The following NTRK2 variants were observed in gnomAD, a reference collection of about 807,000 sequenced individuals.
The protein encoded by NTRK2 is neurotrophic receptor tyrosine kinase 2.
A neutral mutation model predicts 94.5 loss-of-function variants in NTRK2; 13 were observed. The ratio of observed to expected loss-of-function variants is 0.14; its 90% CI spans 0.09 to 0.22. The LOEUF (loss-of-function observed/expected upper bound fraction) is 0.22. Ranked by LOEUF, NTRK2 falls within the 10% of genes least tolerant of loss-of-function variation. NTRK2 has a pLI of 1.00. For missense variants in NTRK2, 639 were observed against 1,071.2 expected, an observed-to-expected ratio of 0.60 and a Z score of 5.63; for synonymous variants, 372 against 407.4, an observed-to-expected ratio of 0.91 and a Z score of 1.05.
At chr9:84,923,343 C>T (rs1156759177) in intron 14 of NTRK2, among the ~76,000 whole-genome samples, 5 of 152,130 alleles carry the variant, frequency 3.3e-5, no homozygotes, top group Non-Finnish European at 7.3e-5. Context: ...TCACTGTTAT[C>T]GCTGTTTACC....
intron 2 of NTRK2, among the ~76,000 whole-genome samples, chr9:84,688,607 T>C (rs928620983): frequency 5.3e-5 from 8 of 152,202 alleles, no homozygotes; most frequent in Non-Finnish European, 1.2e-4. Context: ...AGCTACCAGC[T>C]TCCTCCTTTC....
chr9:84,972,711 A>G (rs1387200619), intron 17 of NTRK2, among the ~76,000 whole-genome samples: 1 of 152,156 alleles, frequency 6.6e-6, no homozygotes, highest in African/African-American at 2.4e-5. Context: ...ATGCATTTTT[A>G]TTTTCATTAG....
chr9:84,741,967 A>G, intron 10 of NTRK2, 40 bp downstream of exon 10: 1 of 1,520,988 alleles, frequency 6.6e-7, no homozygotes, highest in Non-Finnish European at 9.1e-7. Context: ...CTTTTTCAAA[A>G]TGTTTGTGTA....
upstream of NTRK2, chr9:84,668,746 C>A (rs2058514367): frequency 1.3e-5 from 2 of 152,264 alleles, no homozygotes; most frequent in Non-Finnish European, 2.9e-5. Context: ...GCGCAGGGCA[C>A]GCGTTCGCGC....
At chr9:84,932,154 A>G (rs1475696419) in intron 14 of NTRK2, among the ~76,000 whole-genome samples, 2 of 152,230 alleles carry the variant, frequency 1.3e-5, no homozygotes, top group Admixed American at 6.5e-5. Flanking sequence ...GTGTCCAAAA[A>G]GAAACCAAGC....
intron 10 of NTRK2, among the ~76,000 whole-genome samples, chr9:84,744,132 T>A (rs377418910): frequency 1.3e-5 from 2 of 152,110 alleles, no homozygotes; most frequent in East Asian, 3.9e-4. Flanking sequence ...TGCAATAAGT[T>A]TACCAAGAGT....
At position 84,707,882 on chromosome 9, in the gene NTRK2, A is replaced by C; in HGVS notation, c.398A>C (p.Lys133Thr). The change falls in exon 5 of 19, where the codon AAA becomes ACA. Residue 133 changes from lysine (K) to threonine (T), a missense_variant. Around this residue, in one of 5 missense-constraint regions of NTRK2, gnomAD observed 206 missense variants for 251.5 expected, o/e 0.82. Transcript: ENST00000277120. ...TRNKLTSLSR[K>T]HFRHLDLSEL... ...AACAAACTGACGAGTTTGTCTAGGA[A>C]ACATTTCCGTCACCTTGACTTGTCT... is the stretch of plus-strand genomic sequence containing the variant. The C allele has an allele frequency of 6.2e-7, 1 of 1,613,106 alleles. No homozygotes were observed.
chr9:84,704,094 A>G (rs2060893620), intron 4 of NTRK2, among the ~76,000 whole-genome samples: 1 of 152,116 alleles, frequency 6.6e-6, no homozygotes, highest in Non-Finnish European at 1.5e-5. Context: ...CTGGCTAATT[A>G]TAGTTTTATT....
intron 14 of NTRK2, among the ~76,000 whole-genome samples, chr9:84,894,508 A>T (rs1209971999): frequency 6.6e-6 from 1 of 152,136 alleles, no homozygotes; most frequent in Non-Finnish European, 1.5e-5. Context: ...TAACAGGAAG[A>T]TTCCCCCACC....
At chr9:84,837,002 A>G (rs936323065) in intron 12 of NTRK2, among the ~76,000 whole-genome samples, 63 of 148,100 alleles carry the variant, frequency 4.3e-4, no homozygotes, top group African/African-American at 1.5e-3. Context: ...GGAATATACT[A>G]TAACAGAAAT....
chr9:84,692,787 G>T (rs181306634), intron 2 of NTRK2, among the ~76,000 whole-genome samples: 10 of 152,212 alleles, frequency 6.6e-5, no homozygotes, highest in Admixed American at 4.6e-4. Flanking sequence ...GTTTCTGTGT[G>T]CTAGTCTCCT....
intron 13 of NTRK2, among the ~76,000 whole-genome samples, chr9:84,865,568 A>C (rs79355269): frequency 0.11 from 17,434 of 152,206 alleles, 1,257 homozygotes; most frequent in East Asian, 0.22. Flanking sequence ...TGTGCTTCTC[A>C]CTAAAATAGT....
chr9:84,822,278 T>C (rs2072901227), intron 12 of NTRK2, among the ~76,000 whole-genome samples: 1 of 152,182 alleles, frequency 6.6e-6, no homozygotes, highest in Non-Finnish European at 1.5e-5. Context: ...AGCCTTCTTC[T>C]TTTTCTTTTT....
intron 17 of NTRK2, among the ~76,000 whole-genome samples, chr9:85,004,035 G>GGAA (rs1830635650): frequency 1.4e-5 from 1 of 69,378 alleles, no homozygotes; most frequent in Non-Finnish European, 2.8e-5. Flanking sequence ...GAAAGAAAGA[G>GGAA]AGAAAGAAAG....
At chr9:84,970,270 G>T (rs138794876) in intron 17 of NTRK2, among the ~76,000 whole-genome samples, 2,753 of 152,084 alleles carry the variant, frequency 0.018, 43 homozygotes, top group Non-Finnish European at 0.029. Context: ...GGTGGTGGGC[G>T]CCTGTAATCC....
chr9:84,873,407 A>G (rs536499936), intron 14 of NTRK2: 1 of 1,059,152 alleles, frequency 9.4e-7, no homozygotes, highest in African/African-American at 1.6e-5. Context: ...CTTTTATGGC[A>G]CACTGGGTTG....
chr9:84,938,704 TG>T (rs1266250633), intron 15 of NTRK2, among the ~76,000 whole-genome samples: 1 of 151,920 alleles, frequency 6.6e-6, no homozygotes, highest in African/African-American at 2.4e-5. Flanking sequence ...AAGGGATGGA[TG>T]GGTGGGTGCA....
intron 14 of NTRK2, among the ~76,000 whole-genome samples, chr9:84,882,719 T>C (rs113977965): frequency 0.018 from 2,677 of 145,772 alleles, 43 homozygotes; most frequent in African/African-American, 0.048. Flanking sequence ...TGTGTGTGTG[T>C]GCGCGCGCGC....
In NTRK2 at chr9:84,759,658, G is replaced by T. The variant is rs191103713; in HGVS notation, c.1396+7573G>T. On this transcript the variant is annotated intron_variant, in intron 12 of 18. Transcript: ENST00000277120. ...CTTCCATTAACCTTGGGGGGAATTT[G>T]CTTTGACCTCCTCACATAGCTTATG... is the stretch of plus-strand genomic sequence containing the variant. Among the ~76,000 whole-genome samples the T allele has an allele frequency of 1.3e-3, 198 of 152,328 alleles. 1 individual carries two copies. The highest frequency in any genetic ancestry group is 0.01 in the Middle Eastern group (3 of 294).
Sources: allele counts gnomAD v4.1 joint callset (sites outside exome capture counted in the v4.1 genomes callset), GRCh38; gene constraint gnomAD v4.1.1; regional missense constraint gnomAD v4.1.1; transcripts MANE v1.5; gene names NCBI Gene and HGNC (gene_info 2026-07-23, HGNC 2026-07-21).